The following TMEM167A variants were observed in gnomAD, a reference collection of about 807,000 sequenced individuals.
The protein encoded by TMEM167A is transmembrane protein 167A.
A neutral mutation model predicts 11.6 loss-of-function variants in TMEM167A; 8 were observed. The observed-to-expected ratio is 0.69, with a 90% CI of 0.40 to 1.24. The LOEUF is 1.24. Ranked by LOEUF, TMEM167A falls within the 50% of genes most tolerant of loss-of-function variation. TMEM167A has a pLI of 0.01. For synonymous variants in TMEM167A, 22 were observed against 28.0 expected, an observed-to-expected ratio of 0.79 and a Z score of 0.67; for missense variants, 62 against 87.0, an observed-to-expected ratio of 0.71 and a Z score of 1.14.
chr5:83,060,607 G>A (rs559989474), intron 3 of TMEM167A, among the ~76,000 whole-genome samples: 7 of 151,988 alleles, frequency 4.6e-5, no homozygotes, highest in African/African-American at 1.4e-4. Flanking sequence ...CGAGGCGGGC[G>A]GATCACAAGG....
intron 1 of TMEM167A, among the ~76,000 whole-genome samples, chr5:83,075,403 A>G (rs1045961014): frequency 2.6e-5 from 4 of 152,214 alleles, no homozygotes; most frequent in African/African-American, 7.2e-5. Context: ...TCATGCTGAC[A>G]GTTGTAAATT....
chr5:83,075,886 C>G (rs1231126814), intron 1 of TMEM167A, among the ~76,000 whole-genome samples: 1 of 152,190 alleles, frequency 6.6e-6, no homozygotes, highest in Non-Finnish European at 1.5e-5. Context: ...CTAAGTTAGC[C>G]TTCTTGAAAC....
chr5:83,073,536 G>C lies in TMEM167A; in HGVS notation c.3+3785C>G, dbSNP rs144204543. Among the ~76,000 whole-genome samples, 31 of 152,302 alleles carry C rather than the reference G, an allele frequency of 2.0e-4. 1 individual carries two copies. In the East Asian group the frequency reaches 6.0e-3, roughly 29 times the overall value. On this transcript the variant is annotated intron_variant, in intron 1 of 3. Coordinates refer to ENST00000502346, the MANE Select transcript of TMEM167A (RefSeq NM_174909.5). Reference sequence around the variant, plus strand: ...TTAATAAAAACAAGTAAGATAGCTGGCTATTTGCTATTTCAGTTCAGTGTT... The same window carrying C: ...TTAATAAAAACAAGTAAGATAGCTGCCTATTTGCTATTTCAGTTCAGTGTT...
In TMEM167A at chr5:83,055,428, T is replaced by C. The variant is rs1005006588; in HGVS notation, c.*1656A>G. The C allele has an allele frequency of 4.6e-5, 7 of 151,954 alleles. No homozygotes were observed. The highest frequency in any genetic ancestry group is 1.7e-4 in the African/African-American group (7 of 41,410). 9.4% of individuals were successfully genotyped at this position (151,954 alleles called of 1,614,324 possible). A position where few individuals can be genotyped will look rare whatever the true frequency, so the allele number is the denominator to read the frequency against. ...GCATACACTGACAAGAATCCTATTT[T>C]TGAGAAACCCTAAAAATCCTTGACC... On this transcript the variant is annotated 3_prime_UTR_variant, in exon 4 of 4. Coordinates refer to ENST00000502346, the MANE Select transcript of TMEM167A (RefSeq NM_174909.5).
At chr5:83,064,885 G>GA in intron 2 of TMEM167A, 123 bp downstream of exon 2, 2 of 610,006 alleles carry the variant, frequency 3.3e-6, no homozygotes, top group Non-Finnish European at 2.8e-6. Context: ...GGAAGAAAAT[G>GA]AAAAAAGTTA....
rs185193494 is a variant in TMEM167A, at chr5:83,053,020, C to A, written c.*4064G>T. ...GATTAGCTTAGGGCAAAGTAAAAGT[C>A]ATGGAAGGCAGTGTATAAATAACAT... On this transcript the variant is annotated 3_prime_UTR_variant, in exon 4 of 4. Transcript: ENST00000502346. The A allele has an allele frequency of 6.6e-6, 1 of 151,870 alleles. No individual in the cohort carries two copies. Among genetic ancestry groups the A allele is most frequent in the African/African-American group, 2.4e-5 (1 of 41,454 alleles). The allele number at this position is 151,870 out of a possible 1,614,324, so 9.4% of individuals were successfully genotyped here.
Position 83,077,316 on chromosome 5 carries a change from C to T in TMEM167A, c.3+5G>A, listed in dbSNP as rs543298375. On this transcript the variant is annotated splice_donor_5th_base_variant and intron_variant, in intron 1 of 3. Transcript: ENST00000502346. ...CAACCGCGACCTGGGAGCCCCACTT[C>T]TTACCATAGCGAGGCCGGCGATGCC... 1.2e-6 allele frequency: 2 copies of T among 1,614,190 alleles called. No homozygotes were observed. Among genetic ancestry groups the T allele is most frequent in the Non-Finnish European group, 1.7e-6 (2 of 1,180,022 alleles).
intron 1 of TMEM167A, among the ~76,000 whole-genome samples, chr5:83,075,484 C>T (rs1479157109): frequency 1.3e-5 from 2 of 152,072 alleles, no homozygotes; most frequent in Admixed American, 1.3e-4. Context: ...CGGTGGCTCA[C>T]GCCTGTAATC....
intron 1 of TMEM167A, among the ~76,000 whole-genome samples, chr5:83,074,441 AGAG>A (rs531489972): frequency 1.5e-3 from 234 of 152,356 alleles, no homozygotes; most frequent in African/African-American, 5.4e-3. Context: ...TTCTGCTATA[AGAG>A]GAGAGAAAAT....
intron 3 of TMEM167A, 137 bp downstream of exon 3, chr5:83,061,740 T>C (rs1335667511): frequency 3.6e-6 from 3 of 828,014 alleles, no homozygotes; most frequent in Non-Finnish European, 3.9e-6. Context: ...TGGTACAACT[T>C]ATAAACTTTT....
intron 1 of TMEM167A, among the ~76,000 whole-genome samples, chr5:83,069,946 G>A (rs1744537006): frequency 6.6e-6 from 1 of 152,072 alleles, no homozygotes; most frequent in African/African-American, 2.4e-5. Context: ...AACTCTTCAA[G>A]AGAAACCTCC....
intron 3 of TMEM167A, among the ~76,000 whole-genome samples, chr5:83,059,887 T>C (rs187520165): frequency 5.4e-4 from 82 of 151,998 alleles, no homozygotes; most frequent in South Asian, 4.8e-3. Flanking sequence ...GCTGTCTCTC[T>C]ATTTTGTCAA....
chr5:83,066,578 T>C (rs1744484278), intron 1 of TMEM167A, among the ~76,000 whole-genome samples: 1 of 152,152 alleles, frequency 6.6e-6, no homozygotes, highest in African/African-American at 2.4e-5. Context: ...TGTGCAACAT[T>C]GGCATCAAAG....
chr5:83,057,923 T>C (rs1744355539), intron 3 of TMEM167A, among the ~76,000 whole-genome samples: 1 of 152,110 alleles, frequency 6.6e-6, no homozygotes, highest in South Asian at 2.1e-4. Context: ...CTTATTCTTC[T>C]CTGTTCCTTC....
rs1044723489 is a variant in TMEM167A at position 83,055,768 on chromosome 5, G to A, written c.*1316C>T. 6.7e-6 allele frequency: 1 copy of A among 149,234 alleles called. No homozygotes were observed. The highest frequency in any genetic ancestry group is 2.2e-4 in the South Asian group (1 of 4,642). The allele number at this position is 149,234 out of a possible 1,614,324, so 9.2% of individuals were successfully genotyped here. The stretch of plus-strand genomic sequence containing the variant: ...GCTTTCAGTTCCATACGTTGTTTCT[G>A]CAGAAATAACTACTAGCCTATTAAT... On this transcript the variant is annotated 3_prime_UTR_variant, in exon 4 of 4. Transcript: ENST00000502346.
At chr5:83,077,186 G>A in intron 1 of TMEM167A, 135 bp downstream of exon 1, 2 of 1,307,906 alleles carry the variant, frequency 1.5e-6, no homozygotes, top group Non-Finnish European at 2.2e-6. Flanking sequence ...GGTTGGCCGT[G>A]GAGGGACCAC....
At chr5:83,061,675 G>A (rs761079382) in intron 3 of TMEM167A, among the ~76,000 whole-genome samples, 2 of 152,208 alleles carry the variant, frequency 1.3e-5, no homozygotes, top group Non-Finnish European at 2.9e-5. Context: ...GACTACAGGC[G>A]TGAGCCACCA....
At chr5:83,070,161 G>A (rs1240100136) in intron 1 of TMEM167A, among the ~76,000 whole-genome samples, 4 of 152,144 alleles carry the variant, frequency 2.6e-5, no homozygotes, top group Non-Finnish European at 4.4e-5. Flanking sequence ...CTTTGAAGGT[G>A]CTTGCACACT....
At chr5:83,062,849 A>G (rs1744426239) in intron 2 of TMEM167A, among the ~76,000 whole-genome samples, 1 of 144,964 alleles carries the variant, frequency 6.9e-6, no homozygotes, top group African/African-American at 2.8e-5. Context: ...TTTATAGTAT[A>G]CTTTTTTTTT....
Sources: allele counts gnomAD v4.1 joint callset (sites outside exome capture counted in the v4.1 genomes callset), GRCh38; gene constraint gnomAD v4.1.1; transcripts MANE v1.5; gene names NCBI Gene and HGNC (gene_info 2026-07-23, HGNC 2026-07-21).